The following AAK1 variants were observed in gnomAD, a reference collection of about 807,000 sequenced individuals.
AAK1 encodes the protein AP2 associated kinase 1.
In AAK1, 37 loss-of-function variants were observed where a neutral mutation model predicts 116.0. That is an observed-to-expected ratio of 0.32 (90% CI 0.25 to 0.42). The LOEUF (loss-of-function observed/expected upper bound fraction) is 0.42. Among genes scored for constraint, AAK1 ranks in the 10% least tolerant of loss-of-function variants. The pLI is 1.00. For missense variants in AAK1, 919 were observed against 1,170.6 expected (o/e 0.79, Z 3.14); for synonymous variants, 458 against 439.9 (o/e 1.04, Z -0.51).
At chr2:69,628,672 G>T (rs1461269271) in intron 2 of AAK1, among the ~76,000 whole-genome samples, 2 of 152,154 alleles carry the variant, frequency 1.3e-5, no homozygotes, top group Non-Finnish European at 2.9e-5. Context: ...CCCATTTGAT[G>T]TTATACTGAT....
chr2:69,467,301 C>T lies in AAK1; in HGVS notation c.*8568G>A. 1.0e-6 allele frequency: 1 copy of T among 985,408 alleles called. No homozygotes were observed. Among genetic ancestry groups the T allele is most frequent in the Non-Finnish European group, 1.2e-6 (1 of 829,938 alleles). The allele number at this position is 985,408 out of a possible 1,614,324, so 61.0% of individuals were successfully genotyped here. On this transcript the variant is annotated 3_prime_UTR_variant, in exon 22 of 22. Coordinates refer to ENST00000409085, the MANE Select transcript of AAK1 (RefSeq NM_014911.5). ...AAGGAGTAAAATGCATGGGCCATTA[C>T]AGAAGCATTAGCAAACTCCAATATA...
At chr2:69,604,687 G>A (rs939894216) in intron 2 of AAK1, among the ~76,000 whole-genome samples, 1 of 152,150 alleles carries the variant, frequency 6.6e-6, no homozygotes, top group African/African-American at 2.4e-5. Context: ...AAAACATGCT[G>A]AGGATGACTG....
In AAK1 at chr2:69,514,516, T is replaced by G. The variant is rs1299569793; in HGVS notation, c.1731A>C (p.Pro577=). Residue 577 remains proline (P), a synonymous_variant, in exon 13 of 22, where the codon CCA becomes CCC. Transcript: ENST00000409085. ...PTMAAGQQPQ[P]QPAAAPQPAP... is the part of the protein sequence containing the mutation. ...CTGGCTGTGGGGCTGCAGCTGGCTGTGGCTGGGGCTGCTGTCCTGCTGCCA... is the reference window on the plus strand; with the variant it reads ...CTGGCTGTGGGGCTGCAGCTGGCTGGGGCTGGGGCTGCTGTCCTGCTGCCA... 1 of 1,551,032 alleles carries G rather than the reference T, an allele frequency of 6.4e-7. No homozygotes were observed. The highest frequency in any genetic ancestry group is 1.2e-5 in the South Asian group (1 of 83,996).
chr2:69,521,096 C>T, intron 10 of AAK1, 108 bp from the exon 11 acceptor site: 1 of 1,221,224 alleles, frequency 8.2e-7, no homozygotes, highest in Non-Finnish European at 1.2e-6. Context: ...CCTTCCAGGT[C>T]TGTTTAATCG....
chr2:69,569,660 C>T (rs1672016400), intron 2 of AAK1, among the ~76,000 whole-genome samples: 1 of 152,106 alleles, frequency 6.6e-6, no homozygotes, highest in African/African-American at 2.4e-5. Context: ...CCAAATCCTC[C>T]CATAGGCAAC....
chr2:69,479,060 A>C lies in AAK1; in HGVS notation c.2571T>G (p.Asp857Glu). ...GCAGGGAATCTTCCCCGGTGAGAGA[A>C]TCTGAGTCCAGATTAACAGCATCCC... Reference protein sequence around the residue: ...QTESVTSNRTDSLTGEDSLLD... With the variant: ...QTESVTSNRTESLTGEDSLLD... The change falls in exon 20 of 22, where the codon GAT becomes GAG. Residue 857 changes from aspartate to glutamate, a missense_variant and splice_region_variant. Physicochemically the swap from Asp to Glu is conservative, Grantham distance 45. Coordinates refer to ENST00000409085, the MANE Select transcript of AAK1 (RefSeq NM_014911.5). 6.2e-7 allele frequency: 1 copy of C among 1,604,890 alleles called. No homozygotes were observed. The highest frequency in any genetic ancestry group is 8.5e-7 in the Non-Finnish European group (1 of 1,171,666).
chr2:69,534,967 T>C (rs1262582624), intron 5 of AAK1, among the ~76,000 whole-genome samples: 1 of 152,250 alleles, frequency 6.6e-6, no homozygotes, highest in African/African-American at 2.4e-5. Context: ...GGCACTGTGT[T>C]ATGCCTGTGC....
At chr2:69,564,787 G>T (rs572464789) in intron 2 of AAK1, among the ~76,000 whole-genome samples, 1 of 152,170 alleles carries the variant, frequency 6.6e-6, no homozygotes, top group Admixed American at 6.5e-5. Flanking sequence ...GTATCAACCA[G>T]CCCCTAGGTC....
rs1239408789 is a variant in AAK1 at position 69,496,013 on chromosome 2, G to A, written c.2337C>T (p.Phe779=). ...GTGCATCAGGTACTTGAAGAGGAAT[G>A]AAAGGATCAGACACGCTTAGAAGCG... is the stretch of plus-strand genomic sequence containing the variant. ...GLPLLSVSDP[F]IPLQVPDAPE... is the part of the protein sequence containing the mutation. The change falls in exon 17 of 22, where the codon TTC becomes TTT. Residue 779 remains phenylalanine, a synonymous_variant. Transcript: ENST00000409085. 3 of 1,554,432 alleles carry A rather than the reference G, an allele frequency of 1.9e-6. No homozygotes were observed. The highest frequency in any genetic ancestry group is 2.6e-6 in the Non-Finnish European group (3 of 1,148,540).
chr2:69,513,721 A>G (rs1012397948), intron 13 of AAK1, among the ~76,000 whole-genome samples: 3 of 152,200 alleles, frequency 2.0e-5, no homozygotes, highest in African/African-American at 7.2e-5. Context: ...GGTATGCAAA[A>G]TGTCTTTTTC....
intron 1 of AAK1, 44 bp from the exon 2 acceptor site, chr2:69,643,318 C>T: frequency 7.5e-7 from 1 of 1,335,116 alleles, no homozygotes. Context: ...CAGTAACACG[C>T]TTAAAAATTC....
At chr2:69,641,431 GC>G in intron 2 of AAK1, among the ~76,000 whole-genome samples, 1 of 152,194 alleles carries the variant, frequency 6.6e-6, no homozygotes, top group Admixed American at 6.5e-5. Flanking sequence ...CTCCTAGCCT[GC>G]ACCAAAGTCC....
Position 69,471,720 on chromosome 2 carries a change from T to C in AAK1, c.*4149A>G. 5.1e-6 allele frequency: 5 copies of C among 985,422 alleles called. No homozygotes were observed. In the South Asian group the frequency reaches 1.9e-4, roughly 37 times the overall value. 61.0% of individuals were successfully genotyped at this position (985,422 alleles called of 1,614,324 possible). A position where few individuals can be genotyped will look rare whatever the true frequency, so the allele number is the denominator to read the frequency against. Reference sequence around the variant, plus strand: ...ATTTTGGCCCAAGGTATCTATAGCATGTATTTATTTAGCTGAGTGCAGATC... The same window carrying C: ...ATTTTGGCCCAAGGTATCTATAGCACGTATTTATTTAGCTGAGTGCAGATC... On this transcript the variant is annotated 3_prime_UTR_variant, in exon 22 of 22. Coordinates refer to ENST00000409085, the MANE Select transcript of AAK1 (RefSeq NM_014911.5).
rs879103533 is a variant in AAK1 at position 69,542,740 on chromosome 2, G to A, written c.392-75C>T. On this transcript the variant is annotated intron_variant, in intron 4 of 21. Transcript: ENST00000409085. ...GTCATTTAGTCTAAGAGAATGAACG[G>A]CGTCCAAAGAGAAGCAGTCTGGACT... 1.6e-5 allele frequency: 24 copies of A among 1,528,664 alleles called. No homozygotes were observed. In the South Asian group the frequency reaches 2.7e-4, roughly 17 times the overall value. The allele number at this position is 1,528,664 out of a possible 1,614,324, so 94.7% of individuals were successfully genotyped here. A position where few individuals can be genotyped will look rare whatever the true frequency, so the allele number is the denominator to read the frequency against.
chr2:69,516,961 A>G (rs1467051341), intron 12 of AAK1: 1 of 152,226 alleles, frequency 6.6e-6, no homozygotes, highest in Non-Finnish European at 1.5e-5. Flanking sequence ...GAGCAGGTCA[A>G]AACTCCAGGG....
intron 2 of AAK1, among the ~76,000 whole-genome samples, chr2:69,628,427 A>G (rs971352624): frequency 1.3e-5 from 2 of 152,218 alleles, no homozygotes; most frequent in African/African-American, 4.8e-5. Flanking sequence ...GAGACCTTCA[A>G]GATCACCCGG....
chr2:69,561,214 A>G (rs1203071568), intron 2 of AAK1, among the ~76,000 whole-genome samples: 1 of 152,164 alleles, frequency 6.6e-6, no homozygotes, highest in Non-Finnish European at 1.5e-5. Flanking sequence ...TAACACCTTC[A>G]TTTTACTCAA....
chr2:69,579,551 C>T (rs1672459010), intron 2 of AAK1, among the ~76,000 whole-genome samples: 1 of 152,170 alleles, frequency 6.6e-6, no homozygotes, highest in East Asian at 1.9e-4. Flanking sequence ...TGTGCCACTG[C>T]ACTCCAGCCT....
chr2:69,497,294 T>A, intron 16 of AAK1, among the ~76,000 whole-genome samples: 1 of 141,808 alleles, frequency 7.1e-6, no homozygotes, highest in East Asian at 2.1e-4. Flanking sequence ...ACATTATCAT[T>A]CTTTTTTTTT....
Sources: gnomAD v4.1 joint callset for allele counts (sites outside exome capture counted in the v4.1 genomes callset) on GRCh38, gnomAD v4.1.1 for gene constraint, MANE v1.5 for transcripts, NCBI Gene and HGNC (gene_info 2026-07-23, HGNC 2026-07-21) for gene names.